The following MRPL48 variants were observed in gnomAD, a reference collection of about 807,000 sequenced individuals.
The protein encoded by MRPL48 is large ribosomal subunit protein mL48.
In MRPL48, 16 loss-of-function variants were observed where a neutral mutation model predicts 32.9. That is an observed-to-expected ratio of 0.49 (90% CI 0.33 to 0.74). The LOEUF (loss-of-function observed/expected upper bound fraction) is 0.74. MRPL48 is among the 30% of genes least tolerant of loss of function. The pLI is 0.02. For missense variants in MRPL48, 206 were observed against 245.3 expected, an observed-to-expected ratio of 0.84 and a Z score of 1.07; for synonymous variants, 94 against 89.2, an observed-to-expected ratio of 1.05 and a Z score of -0.31.
intron 3 of MRPL48, among the ~76,000 whole-genome samples, chr11:73,812,585 C>G (rs1460443305): frequency 1.3e-5 from 2 of 151,808 alleles, no homozygotes; most frequent in Admixed American, 6.6e-5. Flanking sequence ...CTTGTAGTCC[C>G]AGCTACATGG....
intron 4 of MRPL48, among the ~76,000 whole-genome samples, chr11:73,833,728 G>A (rs998517333): frequency 3.9e-5 from 6 of 151,994 alleles, no homozygotes; most frequent in African/African-American, 1.5e-4. Flanking sequence ...AGGTTGGAGT[G>A]CAGTGGTGCA....
At chr11:73,789,737 A>G (rs1267670721) in intron 1 of MRPL48, among the ~76,000 whole-genome samples, 4 of 152,210 alleles carry the variant, frequency 2.6e-5, no homozygotes, top group Admixed American at 2.0e-4. Flanking sequence ...ATATTGTTCT[A>G]TAGTTAATAA....
rs940195403 is a variant in MRPL48, at chr11:73,864,810, G to A, written c.*440G>A. 1.7e-4 allele frequency: 28 copies of A among 169,632 alleles called. No individual in the cohort carries two copies. In the South Asian group the frequency reaches 1.8e-3, roughly 11 times the overall value. 10.5% of individuals were successfully genotyped at this position (169,632 alleles called of 1,614,324 possible). On this transcript the variant is annotated 3_prime_UTR_variant, in exon 8 of 8. Transcript: ENST00000310614. Reference sequence around the variant, plus strand: ...CAAAAACATTCTTTTTTTTTTTTCCGAAACGGAGTCTCGCTCTGTTGCCCA... The same window carrying A: ...CAAAAACATTCTTTTTTTTTTTTCCAAAACGGAGTCTCGCTCTGTTGCCCA...
intron 1 of MRPL48, among the ~76,000 whole-genome samples, chr11:73,792,500 A>G (rs570180341): frequency 3.3e-5 from 5 of 152,362 alleles, no homozygotes; most frequent in Admixed American, 2.6e-4. Flanking sequence ...AGATGTTTTC[A>G]CATTTCAGCA....
intron 1 of MRPL48, among the ~76,000 whole-genome samples, chr11:73,801,737 G>T (rs1947366827): frequency 6.6e-6 from 1 of 152,114 alleles, no homozygotes; most frequent in East Asian, 1.9e-4. Context: ...TGTGACTTTG[G>T]GTAGGTTACT....
rs562629945 is a variant in MRPL48 at position 73,855,663 on chromosome 11, T to G, written c.372-4244T>G. Among the ~76,000 whole-genome samples, 132 of 152,212 alleles carry G rather than the reference T, an allele frequency of 8.7e-4. 1 individual carries two copies. The highest frequency in any genetic ancestry group is 3.4e-3 in the Middle Eastern group (1 of 294). The stretch of plus-strand genomic sequence containing the variant: ...CCACCACGCCCAGCTAATTTTTGTA[T>G]TTTTAGTGGAGACGGGGTTTCGCCA... On this transcript the variant is annotated intron_variant, in intron 5 of 7. Coordinates refer to ENST00000310614, the MANE Select transcript of MRPL48 (RefSeq NM_016055.6).
chr11:73,853,157 A>C (rs1000148895), intron 5 of MRPL48, among the ~76,000 whole-genome samples: 3 of 152,072 alleles, frequency 2.0e-5, no homozygotes, highest in African/African-American at 7.2e-5. Flanking sequence ...AAATAGAAAG[A>C]TTGAATAAGA....
At chr11:73,813,719 A>G (rs1234648960) in intron 3 of MRPL48, among the ~76,000 whole-genome samples, 1 of 152,052 alleles carries the variant, frequency 6.6e-6, no homozygotes, top group Non-Finnish European at 1.5e-5. Context: ...TTCATGCTTA[A>G]AAAGGTCTTT....
chr11:73,798,422 G>A (rs1313801901), intron 1 of MRPL48, among the ~76,000 whole-genome samples: 2 of 152,140 alleles, frequency 1.3e-5, no homozygotes, highest in African/African-American at 4.8e-5. Context: ...AAGAACTTGA[G>A]AAAACCTGGA....
At chr11:73,856,548 A>G (rs1472322302) in intron 5 of MRPL48, among the ~76,000 whole-genome samples, 1 of 152,212 alleles carries the variant, frequency 6.6e-6, no homozygotes, top group East Asian at 1.9e-4. Flanking sequence ...AATCTCACTC[A>G]TCTGGGAGCA....
intron 1 of MRPL48, among the ~76,000 whole-genome samples, chr11:73,800,810 C>CTTTTTTT (rs1223951183): frequency 2.3e-4 from 31 of 132,848 alleles, no homozygotes; most frequent in Non-Finnish European, 3.4e-4. Flanking sequence ...TTTTCTTTTT[C>CTTTTTTT]TTTTTTTTTT....
At chr11:73,859,652 C>T (rs7124841) in intron 5 of MRPL48, among the ~76,000 whole-genome samples, 9,530 of 151,714 alleles carry the variant, frequency 0.063, 325 homozygotes, top group Middle Eastern at 0.11. Flanking sequence ...AGGTTTTATT[C>T]GGAGTATTGT....
chr11:73,845,804 A>G (rs570998761), intron 5 of MRPL48, among the ~76,000 whole-genome samples: 3 of 152,138 alleles, frequency 2.0e-5, no homozygotes, highest in South Asian at 2.1e-4. Context: ...GCGGTAGCTC[A>G]TGCCTGTAAT....
intron 4 of MRPL48, among the ~76,000 whole-genome samples, chr11:73,827,883 A>G (rs1281776786): frequency 6.6e-6 from 1 of 152,176 alleles, no homozygotes; most frequent in Non-Finnish European, 1.5e-5. Context: ...TGTAGTGGGA[A>G]GTCTACTGAA....
chr11:73,821,889 T>A (rs980740112), intron 3 of MRPL48, among the ~76,000 whole-genome samples: 1 of 152,228 alleles, frequency 6.6e-6, no homozygotes, highest in African/African-American at 2.4e-5. Flanking sequence ...CCTACCCTAA[T>A]AGGTAATAAT....
chr11:73,788,673 T>G (rs371871603), intron 1 of MRPL48, among the ~76,000 whole-genome samples: 4 of 152,014 alleles, frequency 2.6e-5, no homozygotes, highest in African/African-American at 9.6e-5. Flanking sequence ...GGGGTTTCAC[T>G]GTGTTGGCCA....
At chr11:73,800,572 C>G (rs1188070262) in intron 1 of MRPL48, among the ~76,000 whole-genome samples, 1 of 152,120 alleles carries the variant, frequency 6.6e-6, no homozygotes, top group Non-Finnish European at 1.5e-5. Flanking sequence ...TGTCCTCATT[C>G]ATTCATTCGC....
chr11:73,804,938 T>C (rs1387184750), intron 1 of MRPL48, 89 bp from the exon 2 acceptor site: 11 of 1,237,960 alleles, frequency 8.9e-6, no homozygotes, highest in African/African-American at 1.5e-5. Flanking sequence ...TTCTGGTTTG[T>C]GTACTGTGGG....
chr11:73,794,384 C>T (rs1281328898), intron 1 of MRPL48, among the ~76,000 whole-genome samples: 1 of 151,234 alleles, frequency 6.6e-6, no homozygotes. Context: ...GGAGAAACCT[C>T]ATCTCTACTA....
Sources: gnomAD v4.1 joint callset for allele counts (sites outside exome capture counted in the v4.1 genomes callset) on GRCh38, gnomAD v4.1.1 for gene constraint, MANE v1.5 for transcripts, NCBI Gene and HGNC (gene_info 2026-07-23, HGNC 2026-07-21) for gene names.